RALYL: variants seen among roughly 807,000 people sequenced by gnomAD.
The protein encoded by RALYL is RALY RNA binding protein like.
In RALYL, 29 loss-of-function variants were observed where a neutral mutation model predicts 35.1. The ratio of observed to expected loss-of-function variants is 0.83; its 90% CI spans 0.61 to 1.13. The LOEUF is 1.13. Ranked by LOEUF, RALYL falls within the 50% of genes most tolerant of loss-of-function variation. The pLI is 0.00. For missense variants in RALYL, 359 were observed against 360.4 expected (o/e 1.00, Z 0.03); for synonymous variants, 120 against 127.6 (o/e 0.94, Z 0.40).
intron 1 of RALYL, among the ~76,000 whole-genome samples, chr8:84,401,332 T>A (rs1383583750): frequency 6.6e-6 from 1 of 152,058 alleles, no homozygotes; most frequent in African/African-American, 2.4e-5. Context: ...CTCACCATTA[T>A]GGAACATTTG....
chr8:84,575,448 CT>C (rs1209027095), intron 2 of RALYL, among the ~76,000 whole-genome samples: 1 of 152,058 alleles, frequency 6.6e-6, no homozygotes, highest in African/African-American at 2.4e-5. Flanking sequence ...AAATAATTTA[CT>C]TTACATTTTT....
chr8:84,367,222 G>A (rs1854511698), intron 1 of RALYL, among the ~76,000 whole-genome samples: 1 of 140,946 alleles, frequency 7.1e-6, no homozygotes, highest in Non-Finnish European at 1.5e-5. Flanking sequence ...TGCAACCTCT[G>A]CCTCCCAGGC....
At chr8:84,727,996 G>A (rs1359780335) in intron 2 of RALYL, among the ~76,000 whole-genome samples, 2 of 151,734 alleles carry the variant, frequency 1.3e-5, no homozygotes, top group Non-Finnish European at 2.9e-5. Flanking sequence ...CCCAGTAATG[G>A]GATGGCTGGG....
chr8:84,514,934 G>C (rs1425420965), intron 1 of RALYL, among the ~76,000 whole-genome samples: 1 of 152,138 alleles, frequency 6.6e-6, no homozygotes, highest in Non-Finnish European at 1.5e-5. Context: ...TAGGTAAAGT[G>C]TTTTATAGAA....
At position 84,509,558 on chromosome 8, in the gene RALYL, G is replaced by A. The variant is rs1006548212; in HGVS notation, c.-23-19741G>A. Among the ~76,000 whole-genome samples the A allele has an allele frequency of 1.1e-4, 16 of 152,132 alleles. No individual in the cohort carries two copies. The East Asian group carries it at 2.1e-3, about 20-fold the overall frequency. ...TTATCAGTTATTTGTTTCCTGGATCGTGCCATTGGTGCTGCATCTAAAATG... is the reference window on the plus strand; with the variant it reads ...TTATCAGTTATTTGTTTCCTGGATCATGCCATTGGTGCTGCATCTAAAATG... On this transcript the variant is annotated intron_variant, in intron 1 of 8. Transcript: ENST00000521268.
intron 1 of RALYL, among the ~76,000 whole-genome samples, chr8:84,492,370 A>G (rs2055425063): frequency 6.6e-6 from 1 of 152,130 alleles, no homozygotes; most frequent in Non-Finnish European, 1.5e-5. Context: ...TTTGATTACA[A>G]AACATTTTTT....
intron 5 of RALYL, among the ~76,000 whole-genome samples, chr8:84,857,052 A>AG (rs2134960863): frequency 6.6e-6 from 1 of 151,664 alleles, no homozygotes; most frequent in African/African-American, 2.4e-5. Flanking sequence ...AAAAAAAAAA[A>AG]AAAAAAAGAA....
In RALYL at chr8:84,686,247, C is replaced by A. The variant is rs563831891; in HGVS notation, c.257-88332C>A. On this transcript the variant is annotated intron_variant, in intron 2 of 8. Coordinates refer to ENST00000521268, the MANE Select transcript of RALYL (RefSeq NM_173848.7). ...CACAAAAGTGGTGAAGTAAACTGAGCCTTCTAACATGAAAAGCTATATATC... is the reference window on the plus strand; with the variant it reads ...CACAAAAGTGGTGAAGTAAACTGAGACTTCTAACATGAAAAGCTATATATC... Among the ~76,000 whole-genome samples the A allele has an allele frequency of 2.1e-4, 32 of 152,104 alleles. No individual in the cohort carries two copies. The South Asian group carries it at 6.0e-3, about 29-fold the overall frequency.
chr8:84,834,339 G>A (rs539996474), intron 4 of RALYL, among the ~76,000 whole-genome samples: 13 of 152,216 alleles, frequency 8.5e-5, no homozygotes, highest in Non-Finnish European at 1.8e-4. Context: ...AAGTTGAAGA[G>A]AGCCTCTCTC....
chr8:84,381,630 A>G (rs2131608561), intron 1 of RALYL, among the ~76,000 whole-genome samples: 1 of 152,050 alleles, frequency 6.6e-6, no homozygotes, highest in East Asian at 1.9e-4. Flanking sequence ...GTTCTTTGAA[A>G]TGATAACAAA....
chr8:84,481,057 T>C (rs2053989996), intron 1 of RALYL, among the ~76,000 whole-genome samples: 1 of 152,168 alleles, frequency 6.6e-6, no homozygotes, highest in Admixed American at 6.5e-5. Context: ...CCAAGTATTA[T>C]AAATAGCAGA....
chr8:84,681,157 T>C (rs1053794387), intron 2 of RALYL, among the ~76,000 whole-genome samples: 7 of 152,206 alleles, frequency 4.6e-5, no homozygotes, highest in African/African-American at 1.7e-4. Context: ...GATCAGATAG[T>C]TGTAGATATG....
chr8:84,689,971 T>G (rs1421262779), intron 2 of RALYL, among the ~76,000 whole-genome samples: 1 of 152,170 alleles, frequency 6.6e-6, no homozygotes, highest in African/African-American at 2.4e-5. Context: ...GGAACAGTAT[T>G]GAGGTTCCTC....
At chr8:84,712,542 T>C (rs985151339) in intron 2 of RALYL, among the ~76,000 whole-genome samples, 1 of 152,168 alleles carries the variant, frequency 6.6e-6, no homozygotes, top group African/African-American at 2.4e-5. Context: ...AAGGTCACTT[T>C]TGTACCAGGT....
intron 3 of RALYL, among the ~76,000 whole-genome samples, chr8:84,797,608 A>T (rs1198952897): frequency 1.3e-5 from 2 of 152,192 alleles, no homozygotes; most frequent in East Asian, 3.8e-4. Flanking sequence ...TTTGAAATGC[A>T]TATGAAAATT....
chr8:84,789,839 G>T (rs1563609557), intron 3 of RALYL, among the ~76,000 whole-genome samples: 1 of 152,122 alleles, frequency 6.6e-6, no homozygotes, highest in East Asian at 1.9e-4. Flanking sequence ...CACAGAGTGA[G>T]ACCCTGTTTC....
At chr8:84,634,461 A>G (rs894151857) in intron 2 of RALYL, among the ~76,000 whole-genome samples, 3 of 151,824 alleles carry the variant, frequency 2.0e-5, no homozygotes, top group Admixed American at 1.3e-4. Flanking sequence ...TTAACTTCTG[A>G]AGCTATTTAT....
intron 5 of RALYL, 53 bp from the exon 6 acceptor site, chr8:84,862,243 A>T (rs1008650870): frequency 9.8e-5 from 136 of 1,380,730 alleles, no homozygotes; most frequent in Admixed American, 1.7e-4. Context: ...CACATATTTG[A>T]TAGAACTCTC....
chr8:84,271,428 G>A (rs900215495), intron 1 of RALYL, among the ~76,000 whole-genome samples: 4 of 149,760 alleles, frequency 2.7e-5, no homozygotes, highest in African/African-American at 9.9e-5. Flanking sequence ...ATGCAGTATT[G>A]GGGATAGTTT....
Sources: gnomAD v4.1 joint callset for allele counts (sites outside exome capture counted in the v4.1 genomes callset) on GRCh38, gnomAD v4.1.1 for gene constraint, MANE v1.5 for transcripts, NCBI Gene and HGNC (gene_info 2026-07-23, HGNC 2026-07-21) for gene names.